The following ZNF600 variants were observed in gnomAD, a reference collection of about 807,000 sequenced individuals.
ZNF600 encodes the protein zinc finger protein KR-ZNF1.
In ZNF600, 4 loss-of-function variants were observed where a neutral mutation model predicts 7.3. That is an observed-to-expected ratio of 0.55 (90% CI 0.27 to 1.25). The LOEUF (loss-of-function observed/expected upper bound fraction) is 1.25. ZNF600 is among the 50% of genes most tolerant of loss of function. ZNF600 has a pLI of 0.12. For synonymous variants in ZNF600, 290 were observed against 308.9 expected, an observed-to-expected ratio of 0.94 and a Z score of 0.64; for missense variants, 911 against 922.1, an observed-to-expected ratio of 0.99 and a Z score of 0.16.
the ZNF600 span, among the ~76,000 whole-genome samples, chr19:52,820,252 G>C: frequency 7.3e-6 from 1 of 137,664 alleles, no homozygotes; most frequent in African/African-American, 3.0e-5. Flanking sequence ...CGAGTAGCTG[G>C]GACTACAGGC....
At chr19:52,783,035 A>G (rs1215310478) in intron 1 of ZNF600, among the ~76,000 whole-genome samples, 1 of 139,250 alleles carries the variant, frequency 7.2e-6, no homozygotes, top group Non-Finnish European at 1.6e-5. Flanking sequence ...TTCTTACTCT[A>G]CTTCTCTCCC....
chr19:52,788,851 A>G (rs904764669), upstream of ZNF600, among the ~76,000 whole-genome samples: 3 of 152,222 alleles, frequency 2.0e-5, no homozygotes, highest in African/African-American at 7.2e-5. Flanking sequence ...CTGTGATAAT[A>G]GCAATCTCTG....
upstream of ZNF600, among the ~76,000 whole-genome samples, chr19:52,790,827 C>T (rs1320787994): frequency 1.3e-5 from 2 of 151,640 alleles, no homozygotes; most frequent in African/African-American, 4.8e-5. Context: ...GCTGAGATTA[C>T]AGGCATGAGC....
In ZNF600 at chr19:52,765,815, G is replaced by A. The variant is rs1319977612; in HGVS notation, c.2148C>T (p.Phe716=). 3.1e-6 allele frequency: 5 copies of A among 1,613,932 alleles called. No homozygotes were observed. The South Asian group carries it at 3.3e-5, about 11-fold the overall frequency. ...GTCTTTTAAGGTGTGATTTGCGACT[G>A]AAAACTTTGTCACATGTTTCACATT... is the stretch of plus-strand genomic sequence containing the variant. Residue 716 remains phenylalanine (F), a synonymous_variant, in exon 4 of 4, where the codon TTC becomes TTT. Coordinates refer to ENST00000648973, the Ensembl canonical transcript of ZNF600.
the ZNF600 span, among the ~76,000 whole-genome samples, chr19:52,808,462 A>G: frequency 6.6e-6 from 1 of 152,156 alleles, no homozygotes; most frequent in African/African-American, 2.4e-5. Flanking sequence ...GATGTCTTAA[A>G]AGATGACAAT....
chr19:52,787,401 C>CT (rs1167453014), upstream of ZNF600, among the ~76,000 whole-genome samples: 3,530 of 114,780 alleles, frequency 0.031, 89 homozygotes, highest in African/African-American at 0.046. Context: ...CGCTCTTTTA[C>CT]TTTTTTTTTT....
At chr19:52,811,714 A>G in the ZNF600 span, among the ~76,000 whole-genome samples, 1 of 147,224 alleles carries the variant, frequency 6.8e-6, no homozygotes, top group Non-Finnish European at 1.5e-5. Context: ...CCGTCTGGGA[A>G]GTGAGGAGCG....
chr19:52,820,992 C>G, the ZNF600 span, among the ~76,000 whole-genome samples: 1 of 144,348 alleles, frequency 6.9e-6, no homozygotes, highest in South Asian at 2.2e-4. Flanking sequence ...CGCATTTTCC[C>G]AGAGCTGGAG....
At chr19:52,792,365 G>A in the ZNF600 span, among the ~76,000 whole-genome samples, 1 of 152,062 alleles carries the variant, frequency 6.6e-6, no homozygotes, top group Non-Finnish European at 1.5e-5. Context: ...TCTATTCAAA[G>A]TCACCCCTCT....
chr19:52,800,379 T>C, the ZNF600 span: 11 of 1,614,160 alleles, frequency 6.8e-6, no homozygotes, highest in East Asian at 2.0e-4. Flanking sequence ...CTCTCCAGTA[T>C]GAATCCTCCT....
At position 52,765,737 on chromosome 19, in the gene ZNF600, C is replaced by G. The variant is rs117125329; in HGVS notation, c.2226G>C (p.Lys742Asn). The change falls in exon 4 of 4, where the codon AAG becomes AAC. Residue 742 changes from lysine to asparagine, a missense_variant. Coordinates refer to ENST00000648973, the Ensembl canonical transcript of ZNF600. Reference sequence around the variant, plus strand: ...TCAGGTGTGAATCACTCCCAAAAGTCTTGTCACAAACCTTACATTTGTATG... The same window carrying G: ...TCAGGTGTGAATCACTCCCAAAAGTGTTGTCACAAACCTTACATTTGTATG... The G allele has an allele frequency of 7.2e-3, 11,647 of 1,613,840 alleles. 67 individuals are homozygous for G. The highest frequency in any genetic ancestry group is 8.7e-3 in the Non-Finnish European group (10,242 of 1,179,842).
the ZNF600 span, among the ~76,000 whole-genome samples, chr19:52,826,578 T>C: frequency 6.6e-6 from 1 of 152,046 alleles, no homozygotes; most frequent in Admixed American, 6.6e-5. Context: ...TGATGGTGCA[T>C]GCCTGTAGTC....
exon 4 of ZNF600, chr19:52,767,656 A>G: frequency 6.2e-7 from 1 of 1,614,096 alleles, no homozygotes; most frequent in Non-Finnish European, 8.5e-7. Flanking sequence ...ATTTCCTGGA[A>G]GCAAAAATCT....
chr19:52,816,056 A>G, the ZNF600 span, among the ~76,000 whole-genome samples: 5 of 147,516 alleles, frequency 3.4e-5, 1 homozygote, highest in Middle Eastern at 3.5e-3. Flanking sequence ...CTGACAGCTA[A>G]CACAGAACTG....
the ZNF600 span, among the ~76,000 whole-genome samples, chr19:52,794,374 TCTGA>T: frequency 6.6e-6 from 1 of 152,188 alleles, no homozygotes; most frequent in South Asian, 2.1e-4. Context: ...TCAGCGTCAC[TCTGA>T]CTGAGCTTTT....
chr19:52,803,391 C>T, the ZNF600 span, among the ~76,000 whole-genome samples: 1 of 152,136 alleles, frequency 6.6e-6, no homozygotes, highest in African/African-American at 2.4e-5. Context: ...CACTTTGTGA[C>T]ATTATCTAGG....
the ZNF600 span, chr19:52,810,780 CAA>C: frequency 2.6e-6 from 1 of 387,014 alleles, no homozygotes. Flanking sequence ...AAAAAAAACC[CAA>C]AAAAAACAGA....
the ZNF600 span, chr19:52,799,490 A>AT: frequency 9.5e-7 from 1 of 1,047,136 alleles, no homozygotes; most frequent in Non-Finnish European, 1.5e-6. Context: ...TTGTTTTTTG[A>AT]TTAAAAACCT....
At chr19:52,831,855 G>T in the ZNF600 span, among the ~76,000 whole-genome samples, 1 of 151,360 alleles carries the variant, frequency 6.6e-6, no homozygotes, top group Non-Finnish European at 1.5e-5. Flanking sequence ...GGTCAGGCTG[G>T]TCTTGAACTC....
Sources: gnomAD v4.1 joint callset for allele counts (sites outside exome capture counted in the v4.1 genomes callset) on GRCh38, gnomAD v4.1.1 for gene constraint, MANE v1.5 for transcripts, NCBI Gene and HGNC (gene_info 2026-07-23, HGNC 2026-07-21) for gene names.